COL20A1: variants seen among roughly 807,000 people sequenced by gnomAD.
The protein encoded by COL20A1 is collagen alpha-1(XX) chain.
In COL20A1, 164 loss-of-function variants were observed where a neutral mutation model predicts 152.9. The observed-to-expected ratio is 1.07, with a 90% CI of 0.94 to 1.22. The LOEUF is 1.22. Among genes scored for constraint, COL20A1 ranks in the 50% most tolerant of loss-of-function variants. The probability of loss-of-function intolerance (pLI) is 0.00; values close to 1 mark genes in which losing one functional copy is unlikely to be tolerated. For synonymous variants in COL20A1, 864 were observed against 756.0 expected (o/e 1.14, Z -2.34); for missense variants, 1,873 against 1,744.8 (o/e 1.07, Z -1.31).
At chr20:63,315,495 TG>T in intron 20 of COL20A1, 56 bp downstream of exon 20, 1 of 1,478,408 alleles carries the variant, frequency 6.8e-7, no homozygotes, top group Non-Finnish European at 9.1e-7. Flanking sequence ...GGGCTCTTCC[TG>T]GGCGTGGGGG....
At chr20:63,312,180 G>A (rs1307434202) in intron 14 of COL20A1, 125 bp downstream of exon 14, 114 of 1,233,656 alleles carry the variant, frequency 9.2e-5, no homozygotes, top group East Asian at 1.8e-4. Flanking sequence ...GAGGCACAGC[G>A]GGGGCACCTG....
intron 34 of COL20A1, 79 bp from the exon 35 acceptor site, chr20:63,329,506 G>A: frequency 8.8e-7 from 1 of 1,138,978 alleles, no homozygotes; most frequent in Non-Finnish European, 1.3e-6. Flanking sequence ...GAGGGGCCCT[G>A]ACACCCTCTG....
chr20:63,295,353 G>A (rs537402500), intron 2 of COL20A1, among the ~76,000 whole-genome samples, 164 bp downstream of exon 2: 7 of 152,368 alleles, frequency 4.6e-5, no homozygotes, highest in South Asian at 2.1e-4. Flanking sequence ...GGGAGGGAGC[G>A]TGTGCTCCCG....
In COL20A1 at chr20:63,299,514, T is replaced by C. The variant is rs563462335; in HGVS notation, c.193+1494T>C. On this transcript the variant is annotated intron_variant, in intron 3 of 35. Coordinates refer to ENST00000358894, the MANE Select transcript of COL20A1 (RefSeq NM_020882.4). ...TGAGAAGAGGTCTGTGATTTGTATT[T>C]ATCACATGAATTCAATCCTGTAGCC... 2.2e-3 allele frequency among the ~76,000 whole-genome samples: 340 copies of C among 152,280 alleles called. 9 individuals are homozygous for C. The highest frequency in any genetic ancestry group is 3.4e-3 in the Middle Eastern group (1 of 294).
chr20:63,320,131 C>T lies in COL20A1; in HGVS notation c.3009C>T (p.Pro1003=), dbSNP rs771914301. The T allele has an allele frequency of 7.0e-5, 109 of 1,549,782 alleles. No homozygotes were observed. Among genetic ancestry groups the T allele is most frequent in the Non-Finnish European group, 8.7e-5 (100 of 1,147,376 alleles). The stretch of plus-strand genomic sequence containing the variant: ...CCCTTGGGGAGATGGGCAGCCCACC[C>T]GCTGCGGGCTTCGTCACGCTGGGGA... ...ERPLGEMGSP[P]AAGFVTLGRL... is the part of the protein sequence containing the mutation. The change falls in exon 24 of 36, where the codon CCC becomes CCT. Residue 1003 remains proline, a synonymous_variant. Coordinates refer to ENST00000358894, the MANE Select transcript of COL20A1 (RefSeq NM_020882.4).
chr20:63,333,144 AGTG>A lies in COL20A1; in HGVS notation c.*2430_*2432del. The A allele has an allele frequency of 6.6e-6, 1 of 152,102 alleles. No homozygotes were observed. Among genetic ancestry groups the A allele is most frequent in the Non-Finnish European group, 1.5e-5 (1 of 68,168 alleles). The allele number at this position is 152,102 out of a possible 1,614,324, so 9.4% of individuals were successfully genotyped here. A position where few individuals can be genotyped will look rare whatever the true frequency, so the allele number is the denominator to read the frequency against. On this transcript the variant is annotated 3_prime_UTR_variant, in exon 36 of 36. Coordinates refer to ENST00000358894, the MANE Select transcript of COL20A1 (RefSeq NM_020882.4). The stretch of plus-strand genomic sequence containing the variant: ...CTCTCCCCTCCAGAGGCCCCTCTGT[AGTG>A]GGCCTCGGTCCCCTCTCCACCCCCA...
chr20:63,328,537 G>A (rs779846289), intron 34 of COL20A1, 39 bp downstream of exon 34: 57 of 1,572,560 alleles, frequency 3.6e-5, no homozygotes, highest in African/African-American at 2.4e-4. Context: ...AGTTGTGGCC[G>A]GTGGGGGCGC....
intron 3 of COL20A1, among the ~76,000 whole-genome samples, chr20:63,302,730 C>G (rs751527982): frequency 2.0e-5 from 3 of 152,194 alleles, no homozygotes; most frequent in Non-Finnish European, 2.9e-5. Flanking sequence ...AGCAGTTTCC[C>G]CCTCTCCCTT....
chr20:63,314,361 G>A (rs892485252), intron 19 of COL20A1, among the ~76,000 whole-genome samples, 160 bp downstream of exon 19: 5 of 152,320 alleles, frequency 3.3e-5, no homozygotes, highest in East Asian at 1.9e-4. Flanking sequence ...CTGGGTGGCT[G>A]GAGATGACTG....
chr20:63,295,147 T>C lies in COL20A1; in HGVS notation c.40T>C (p.Trp14Arg), dbSNP rs1481843304. Residue 14 changes from tryptophan (W) to arginine (R), a missense_variant, in exon 2 of 36, where the codon TGG becomes CGG. Physicochemically the swap from Trp to Arg is moderately radical, Grantham distance 101 (BLOSUM62 -3). Coordinates refer to ENST00000358894, the MANE Select transcript of COL20A1 (RefSeq NM_020882.4). ...GDPAHLGLCL[W>R]LWLGATLGRE... ...CCCTGCACACCTCGGCCTCTGCCTC[T>C]GGCTGTGGCTGGGCGCCACCCTGGG... is the stretch of plus-strand genomic sequence containing the variant. 1 of 1,554,988 alleles carries C rather than the reference T, an allele frequency of 6.4e-7. No homozygotes were observed. The highest frequency in any genetic ancestry group is 2.4e-5 in the East Asian group (1 of 41,234).
chr20:63,296,954 TCAGGGGGCACCAACCCTCTC>T (rs2067801617), intron 2 of COL20A1, among the ~76,000 whole-genome samples: 1 of 152,172 alleles, frequency 6.6e-6, no homozygotes, highest in African/African-American at 2.4e-5. Flanking sequence ...CCGGAAGCTT[TCAGGGGGCACCAACCCTCTC>T]CAGAGCCCTG....
Position 63,320,380 on chromosome 20 carries a change from C to A in COL20A1, c.3153+12C>A. The A allele has an allele frequency of 1.2e-6, 2 of 1,610,080 alleles. No individual in the cohort carries two copies. The highest frequency in any genetic ancestry group is 1.7e-6 in the Non-Finnish European group (2 of 1,179,518). ...AGCTCCCTGCCTCGGTGTGCCCCGT[C>A]CCTTGCCCCTGTTCCACGAAGCAAG... On this transcript the variant is annotated intron_variant, in intron 25 of 35. Coordinates refer to ENST00000358894, the MANE Select transcript of COL20A1 (RefSeq NM_020882.4).
In COL20A1 at chr20:63,297,895, G is replaced by A; in HGVS notation, c.83-15G>A. ...AGGCCAGGTCAGTCCTGACCACTAT[G>A]TCCTGTTTCTGTAGCAAGCGGTCTC... On this transcript the variant is annotated splice_polypyrimidine_tract_variant and intron_variant, in intron 2 of 35. Transcript: ENST00000358894. The A allele has an allele frequency of 6.2e-7, 1 of 1,607,844 alleles. No individual in the cohort carries two copies. The highest frequency in any genetic ancestry group is 8.5e-7 in the Non-Finnish European group (1 of 1,175,080).
intron 9 of COL20A1, 129 bp downstream of exon 9, chr20:63,309,626 C>T (rs2123397766): frequency 1.6e-6 from 2 of 1,222,920 alleles, no homozygotes; most frequent in East Asian, 2.7e-5. Context: ...GTCTGCAGCA[C>T]CCCCTTACAT....
chr20:63,296,384 G>A (rs1417082266), intron 2 of COL20A1, among the ~76,000 whole-genome samples: 1 of 152,262 alleles, frequency 6.6e-6, no homozygotes, highest in Non-Finnish European at 1.5e-5. Context: ...GCATGATGGG[G>A]CCACCCCTCA....
chr20:63,321,617 T>C (rs991874328), intron 26 of COL20A1, among the ~76,000 whole-genome samples: 1 of 152,166 alleles, frequency 6.6e-6, no homozygotes, highest in Non-Finnish European at 1.5e-5. Context: ...ATACGGGCCC[T>C]CTACCCAGGC....
chr20:63,325,209 G>C (rs1489700498), intron 27 of COL20A1: 12 of 678,172 alleles, frequency 1.8e-5, no homozygotes, highest in Non-Finnish European at 3.2e-5. Context: ...ACCCAGAGGG[G>C]CCACAGGAGG....
intron 26 of COL20A1, among the ~76,000 whole-genome samples, chr20:63,321,752 C>T (rs987299506): frequency 2.0e-5 from 3 of 152,218 alleles, no homozygotes; most frequent in African/African-American, 7.2e-5. Flanking sequence ...CAGGTGACGG[C>T]TGGGGCTTCC....
Position 63,305,218 on chromosome 20 carries a change from C to T in COL20A1, c.194-199C>T, listed in dbSNP as rs938243911. Among the ~76,000 whole-genome samples the T allele has an allele frequency of 5.9e-5, 9 of 152,120 alleles. No individual in the cohort carries two copies. The highest frequency in any genetic ancestry group is 2.2e-4 in the African/African-American group (9 of 41,410). ...GTAAGTGACATCTTCTTTTCACCGC[C>T]CCAAGACCCCCATTCTCTGTCACAT... On this transcript the variant is annotated intron_variant, in intron 3 of 35. Transcript: ENST00000358894. This position sits in a 1 kb window ranked among gnomAD's most constrained non-coding sequence, Gnocchi z 4.9.
Sources: allele counts gnomAD v4.1 joint callset (sites outside exome capture counted in the v4.1 genomes callset), GRCh38; gene constraint gnomAD v4.1.1; non-coding constraint Gnocchi (gnomAD v3.1); transcripts MANE v1.5; gene names NCBI Gene and HGNC (gene_info 2026-07-23, HGNC 2026-07-21).